The following GTF2IRD1 variants were observed in gnomAD, a reference collection of about 807,000 sequenced individuals.
GTF2IRD1 encodes the protein general transcription factor II-I repeat domain-containing protein 1.
GTF2IRD1 carries 26 observed loss-of-function variants against 113.2 expected under a neutral mutation model. The ratio of observed to expected loss-of-function variants is 0.23; its 90% CI spans 0.17 to 0.32. GTF2IRD1 has a LOEUF of 0.32. Ranked by LOEUF, GTF2IRD1 falls within the 10% of genes least tolerant of loss-of-function variation. GTF2IRD1 has a pLI of 1.00. For synonymous variants in GTF2IRD1, 484 were observed against 529.1 expected (o/e 0.91, Z 1.17); for missense variants, 864 against 1,280.8 (o/e 0.67, Z 4.97).
chr7:74,502,875 C>T (rs1201050178), intron 1 of GTF2IRD1, among the ~76,000 whole-genome samples: 1 of 152,154 alleles, frequency 6.6e-6, no homozygotes, highest in African/African-American at 2.4e-5. Context: ...CTTAAAAATA[C>T]AGTGTCCAGG....
At chr7:74,459,868 G>A (rs1205884760) in intron 1 of GTF2IRD1, among the ~76,000 whole-genome samples, 1 of 152,124 alleles carries the variant, frequency 6.6e-6, no homozygotes, top group Non-Finnish European at 1.5e-5. Context: ...GGGGCCAGAG[G>A]TGTGTGTGGC....
At chr7:74,476,236 G>A (rs1794398238) in intron 1 of GTF2IRD1, among the ~76,000 whole-genome samples, 3 of 152,150 alleles carry the variant, frequency 2.0e-5, no homozygotes, top group African/African-American at 7.2e-5. Context: ...AAGCCCCAGA[G>A]AAGGGGCTGA....
intron 22 of GTF2IRD1, among the ~76,000 whole-genome samples, chr7:74,574,387 C>T (rs1467046018): frequency 6.6e-6 from 1 of 151,210 alleles, no homozygotes; most frequent in African/African-American, 2.4e-5. Context: ...CAAGGGATCT[C>T]ACCGCCTTGG....
At chr7:74,502,751 G>T (rs749861458) in intron 1 of GTF2IRD1, among the ~76,000 whole-genome samples, 1 of 152,194 alleles carries the variant, frequency 6.6e-6, no homozygotes, top group African/African-American at 2.4e-5. Context: ...CTGGCAAGAC[G>T]GGGCAGGTGG....
chr7:74,483,174 A>G (rs1554334962), intron 1 of GTF2IRD1, among the ~76,000 whole-genome samples: 1 of 152,122 alleles, frequency 6.6e-6, no homozygotes, highest in Non-Finnish European at 1.5e-5. Context: ...CATCTAGCTC[A>G]GTGCTGTGAT....
At position 74,518,401 on chromosome 7, in the gene GTF2IRD1, G is replaced by C. The variant is rs985051029; in HGVS notation, c.605+79G>C. ...AGGGCCGGGGGCTGGAGGCCACTTA[G>C]CCAGAGGGGAAGGGACTTGAGATGC... On this transcript the variant is annotated intron_variant, in intron 5 of 26. Transcript: ENST00000424337. The C allele has an allele frequency of 8.3e-5, 99 of 1,191,356 alleles. 1 individual carries two copies. The African/African-American group carries it at 1.5e-3, about 18-fold the overall frequency. 73.8% of individuals were successfully genotyped at this position (1,191,356 alleles called of 1,614,324 possible). A position where few individuals can be genotyped will look rare whatever the true frequency, so the allele number is the denominator to read the frequency against.
intron 26 of GTF2IRD1, 138 bp downstream of exon 26, chr7:74,601,318 G>C: frequency 6.5e-7 from 1 of 1,541,098 alleles, no homozygotes; most frequent in Non-Finnish European, 8.7e-7. Context: ...TCCGGCCTCG[G>C]GGGTTATAGA....
intron 1 of GTF2IRD1, among the ~76,000 whole-genome samples, chr7:74,476,329 G>T (rs1413722907): frequency 6.6e-6 from 1 of 150,458 alleles, no homozygotes; most frequent in African/African-American, 2.5e-5. Flanking sequence ...GTGGATGTCT[G>T]CCTCTTCCAC....
At chr7:74,463,627 C>G (rs979869746) in intron 1 of GTF2IRD1, among the ~76,000 whole-genome samples, 5 of 152,132 alleles carry the variant, frequency 3.3e-5, no homozygotes, top group African/African-American at 1.2e-4. Context: ...CCACAGAGCC[C>G]TGGAGGGCCC....
In GTF2IRD1 at chr7:74,575,559, G is replaced by A. The variant is rs1409383800; in HGVS notation, c.2321-14292G>A. 9.8e-5 allele frequency among the ~76,000 whole-genome samples: 15 copies of A among 152,344 alleles called. 1 individual carries two copies. The highest frequency in any genetic ancestry group is 9.6e-4 in the East Asian group (5 of 5,190). Reference sequence around the variant, plus strand: ...ATAAGGAGGTTGTAATAATCCAGGCGACGCCTGTGGCGGCAGTGGGGTGGT... The same window carrying A: ...ATAAGGAGGTTGTAATAATCCAGGCAACGCCTGTGGCGGCAGTGGGGTGGT... On this transcript the variant is annotated intron_variant, in intron 22 of 26. Transcript: ENST00000424337.
At chr7:74,541,072 T>C (rs2130607975) in intron 14 of GTF2IRD1, among the ~76,000 whole-genome samples, 1 of 150,676 alleles carries the variant, frequency 6.6e-6, no homozygotes, top group South Asian at 2.2e-4. Flanking sequence ...CCTCAACAAA[T>C]ATTTATTGAG....
chr7:74,577,519 C>A (rs762759499), intron 22 of GTF2IRD1, among the ~76,000 whole-genome samples: 1 of 152,188 alleles, frequency 6.6e-6, no homozygotes, highest in Non-Finnish European at 1.5e-5. Context: ...TACATACTCA[C>A]AATAGCATCA....
chr7:74,500,918 C>T (rs1380313591), intron 1 of GTF2IRD1, among the ~76,000 whole-genome samples: 1 of 151,976 alleles, frequency 6.6e-6, no homozygotes, highest in Admixed American at 6.6e-5. Flanking sequence ...GAGGTGGGGT[C>T]TTGCTATGTT....
Position 74,512,661 on chromosome 7 carries a change from A to C in GTF2IRD1, c.124-169A>C, listed in dbSNP as rs569952945. Among the ~76,000 whole-genome samples the C allele has an allele frequency of 6.6e-6, 1 of 152,308 alleles. No homozygotes were observed. The highest frequency in any genetic ancestry group is 6.5e-5 in the Admixed American group (1 of 15,298). On this transcript the variant is annotated intron_variant, in intron 2 of 26. Coordinates refer to ENST00000424337, the MANE Select transcript of GTF2IRD1 (RefSeq NM_005685.4). This position sits in a 1 kb window ranked among gnomAD's most constrained non-coding sequence, Gnocchi z 4.4. Reference sequence around the variant, plus strand: ...CAATGCCTGCAGGGCCATTTCATTCAGTCCCACTACAGAATCTGAGACCAA... The same window carrying C: ...CAATGCCTGCAGGGCCATTTCATTCCGTCCCACTACAGAATCTGAGACCAA...
intron 1 of GTF2IRD1, among the ~76,000 whole-genome samples, chr7:74,479,025 C>A (rs962503474): frequency 6.6e-6 from 1 of 152,080 alleles, no homozygotes; most frequent in South Asian, 2.1e-4. Flanking sequence ...TGGGACCCCC[C>A]GTCGCCAGCT....
At chr7:74,600,897 G>A (rs2131090329) in intron 25 of GTF2IRD1, 147 bp from the exon 26 acceptor site, 1 of 781,024 alleles carries the variant, frequency 1.3e-6, no homozygotes, top group South Asian at 1.7e-5. Context: ...CTGGACAGGT[G>A]GGCCCTGACC....
chr7:74,536,648 A>G (rs1320968559), intron 11 of GTF2IRD1, among the ~76,000 whole-genome samples: 8 of 151,438 alleles, frequency 5.3e-5, no homozygotes, highest in Non-Finnish European at 1.0e-4. Context: ...ATCTCTACTA[A>G]AAACAAAATT....
intron 9 of GTF2IRD1, among the ~76,000 whole-genome samples, chr7:74,533,286 C>A (rs587770899): frequency 7.0e-4 from 106 of 152,190 alleles, no homozygotes; most frequent in African/African-American, 2.5e-3. Flanking sequence ...AGGCATGCAC[C>A]ACCACACCTG....
At chr7:74,480,172 T>A (rs1383979654) in intron 1 of GTF2IRD1, among the ~76,000 whole-genome samples, 1 of 152,096 alleles carries the variant, frequency 6.6e-6, no homozygotes, top group Non-Finnish European at 1.5e-5. Context: ...CAGTAGTCTA[T>A]TTTTTTGGTC....
Sources: gnomAD v4.1 joint callset for allele counts (sites outside exome capture counted in the v4.1 genomes callset) on GRCh38, gnomAD v4.1.1 for gene constraint, Gnocchi (gnomAD v3.1) non-coding constraint, MANE v1.5 for transcripts, NCBI Gene and HGNC (gene_info 2026-07-23, HGNC 2026-07-21) for gene names.